BMP2K: variants seen among roughly 807,000 people sequenced by gnomAD.
The protein encoded by BMP2K is BMP2 inducible kinase.
A neutral mutation model predicts 116.0 loss-of-function variants in BMP2K; 74 were observed. That is an observed-to-expected ratio of 0.64 (90% CI 0.53 to 0.77). BMP2K has a LOEUF of 0.77. Ranked by LOEUF, BMP2K falls within the 30% of genes least tolerant of loss-of-function variation. The pLI, the probability that BMP2K is intolerant of heterozygous loss-of-function variation, is 0.00. For missense variants in BMP2K, 1,365 were observed against 1,403.6 expected (o/e 0.97, Z 0.44); for synonymous variants, 486 against 502.5 (o/e 0.97, Z 0.44).
chr4:78,904,007 A>T (rs540567415), intron 15 of BMP2K, among the ~76,000 whole-genome samples: 34 of 152,100 alleles, frequency 2.2e-4, no homozygotes, highest in African/African-American at 7.0e-4. Flanking sequence ...GTATAAAAAG[A>T]TGTTGGACTA....
chr4:78,796,067 T>C (rs200155019), intron 1 of BMP2K, among the ~76,000 whole-genome samples: 9,720 of 151,970 alleles, frequency 0.064, 412 homozygotes, highest in East Asian at 0.22. Flanking sequence ...CTATAAATCA[T>C]GCTGCTATAA....
At chr4:78,806,730 T>C (rs1195060134) in intron 1 of BMP2K, among the ~76,000 whole-genome samples, 2 of 152,164 alleles carry the variant, frequency 1.3e-5, no homozygotes, top group Non-Finnish European at 2.9e-5. Context: ...TTAAGTATAA[T>C]GTTAGCTGTG....
intron 6 of BMP2K, 95 bp downstream of exon 6, chr4:78,847,364 TAA>T (rs1731059180): frequency 1.3e-6 from 1 of 793,106 alleles, no homozygotes; most frequent in African/African-American, 1.8e-5. Flanking sequence ...AGGCATTTCC[TAA>T]TAAGTAGAAG....
At chr4:78,904,461 T>C (rs938944107) in intron 15 of BMP2K, among the ~76,000 whole-genome samples, 2 of 151,968 alleles carry the variant, frequency 1.3e-5, no homozygotes, top group African/African-American at 4.8e-5. Flanking sequence ...TTTTTTGCAA[T>C]ACTTGTAATT....
rs140739844 is a variant in BMP2K, at chr4:78,874,032, T to C, written c.1793+1234T>C. On this transcript the variant is annotated intron_variant, in intron 13 of 15. Coordinates refer to ENST00000502613, the MANE Select transcript of BMP2K (RefSeq NM_198892.2). ...ATCTCTACTAAAAATATAAAAATTA[T>C]CTAGGTGTGGTGGTGCGCGCCTGTA... 6.3e-3 allele frequency among the ~76,000 whole-genome samples: 959 copies of C among 151,904 alleles called. 31 individuals are homozygous for C. Among genetic ancestry groups the C allele is most frequent in the East Asian group, 0.04 (204 of 5,142 alleles).
At chr4:78,851,078 T>C in intron 7 of BMP2K, 22 bp downstream of exon 7, 1 of 1,594,828 alleles carries the variant, frequency 6.3e-7, no homozygotes, top group Non-Finnish European at 8.6e-7. Context: ...GGAAAATGTA[T>C]GAAAATATTG....
intron 7 of BMP2K, among the ~76,000 whole-genome samples, chr4:78,855,471 T>C (rs1731460829): frequency 6.6e-6 from 1 of 152,178 alleles, no homozygotes; most frequent in African/African-American, 2.4e-5. Flanking sequence ...GGCTTAACTT[T>C]ATCTAGGCCC....
intron 10 of BMP2K, among the ~76,000 whole-genome samples, chr4:78,868,850 C>T (rs935540348): frequency 1.3e-5 from 2 of 152,184 alleles, no homozygotes; most frequent in African/African-American, 4.8e-5. Context: ...GGCAGCTCCT[C>T]CCCTGTGGCT....
chr4:78,847,127 ATC>A (rs1731040423), intron 5 of BMP2K, 59 bp from the exon 6 acceptor site: 1 of 939,694 alleles, frequency 1.1e-6, no homozygotes, highest in African/African-American at 1.7e-5. Context: ...ACAATGTATT[ATC>A]TGTCTTTTTT....
intron 15 of BMP2K, among the ~76,000 whole-genome samples, chr4:78,907,724 A>G (rs1734357991): frequency 6.6e-6 from 1 of 152,152 alleles, no homozygotes; most frequent in African/African-American, 2.4e-5. Flanking sequence ...TGCAGAGTGC[A>G]CCATTTCATA....
At chr4:78,839,661 T>C (rs942145252) in intron 3 of BMP2K, among the ~76,000 whole-genome samples, 1 of 152,100 alleles carries the variant, frequency 6.6e-6, no homozygotes. Context: ...TATTACCTCA[T>C]GAAATCACAA....
At chr4:78,870,428 G>A (rs373687656) in intron 10 of BMP2K, among the ~76,000 whole-genome samples, 8 of 152,322 alleles carry the variant, frequency 5.3e-5, no homozygotes, top group African/African-American at 1.7e-4. Flanking sequence ...GTGGAAAGTG[G>A]CATTCTAGAC....
chr4:78,879,767 T>G (rs1732811039), intron 14 of BMP2K: 1 of 152,200 alleles, frequency 6.6e-6, no homozygotes, highest in South Asian at 2.1e-4. Context: ...ATTTAGGTAA[T>G]TGGCCTTATG....
rs1196694285 is a variant in BMP2K at position 78,912,846 on chromosome 4, A to T, written c.*813A>T. 6.6e-6 allele frequency: 1 copy of T among 152,196 alleles called. No homozygotes were observed. The highest frequency in any genetic ancestry group is 2.4e-5 in the African/African-American group (1 of 41,454). 9.4% of individuals were successfully genotyped at this position (152,196 alleles called of 1,614,324 possible). A position where few individuals can be genotyped will look rare whatever the true frequency, so the allele number is the denominator to read the frequency against. ...AATATCTGACATTTGTAAAGAAATTATAAGAAGAAAAAAAGATACAGAACA... is the reference window on the plus strand; with the variant it reads ...AATATCTGACATTTGTAAAGAAATTTTAAGAAGAAAAAAAGATACAGAACA... On this transcript the variant is annotated 3_prime_UTR_variant, in exon 16 of 16. Transcript: ENST00000502613.
At chr4:78,905,705 G>A (rs1159504522) in intron 15 of BMP2K, among the ~76,000 whole-genome samples, 1 of 151,922 alleles carries the variant, frequency 6.6e-6, no homozygotes, top group Admixed American at 6.6e-5. Context: ...ATTAACTTTA[G>A]CAGTGAAATA....
intron 13 of BMP2K, among the ~76,000 whole-genome samples, chr4:78,877,674 A>T (rs1197158041): frequency 2.6e-5 from 4 of 152,228 alleles, no homozygotes; most frequent in Admixed American, 2.6e-4. Context: ...CATAACTCAA[A>T]AATATGGTAC....
chr4:78,871,029 A>G lies in BMP2K; in HGVS notation c.1478A>G (p.His493Arg), dbSNP rs939753036. Residue 493 changes from histidine (H) to arginine (R), a missense_variant, in exon 11 of 16, where the codon CAC (histidine) becomes CGC (arginine). Physicochemically the swap from His to Arg is conservative, Grantham distance 29. Around this residue, in one of 3 missense-constraint regions of BMP2K, gnomAD observed 762 missense variants for 756.7 expected, o/e 1.01. Coordinates refer to ENST00000502613, the MANE Select transcript of BMP2K (RefSeq NM_198892.2). The stretch of plus-strand genomic sequence containing the variant: ...CAGCAGCACCACCACCACCACCACC[A>G]CCACCTACTTCAAGATGCTTATATG... ...QQQQHHHHHH[H>R]HLLQDAYMQQ... The G allele has an allele frequency of 6.2e-7, 1 of 1,606,340 alleles. No individual in the cohort carries two copies. Among genetic ancestry groups the G allele is most frequent in the Non-Finnish European group, 8.5e-7 (1 of 1,179,662 alleles).
intron 13 of BMP2K, among the ~76,000 whole-genome samples, chr4:78,878,104 C>G (rs1732719178): frequency 6.6e-6 from 1 of 152,102 alleles, no homozygotes; most frequent in Admixed American, 6.6e-5. Flanking sequence ...ACTTTAAATA[C>G]TATAATAATT....
chr4:78,820,200 A>G (rs765131536), intron 1 of BMP2K, among the ~76,000 whole-genome samples: 1 of 152,262 alleles, frequency 6.6e-6, no homozygotes, highest in Non-Finnish European at 1.5e-5. Context: ...AGTATATAAT[A>G]TCCCCATTTA....
Sources: gnomAD v4.1 joint callset for allele counts (sites outside exome capture counted in the v4.1 genomes callset) on GRCh38, gnomAD v4.1.1 for gene constraint, gnomAD v4.1.1 regional missense constraint, MANE v1.5 for transcripts, NCBI Gene and HGNC (gene_info 2026-07-23, HGNC 2026-07-21) for gene names.